The following SMIM14 variants were observed in gnomAD, a reference collection of about 807,000 sequenced individuals.
SMIM14 encodes small integral membrane protein 14.
In SMIM14, 5 loss-of-function variants were observed where a neutral mutation model predicts 12.6. That is an observed-to-expected ratio of 0.40 (90% CI 0.21 to 0.83). The LOEUF is 0.83. Ranked by LOEUF, SMIM14 falls within the 40% of genes least tolerant of loss-of-function variation. The pLI, the probability that SMIM14 is intolerant of heterozygous loss-of-function variation, is 0.37. For missense variants in SMIM14, 86 were observed against 119.1 expected (o/e 0.72, Z 1.29); for synonymous variants, 30 against 40.1 (o/e 0.75, Z 0.95).
intron 1 of SMIM14, among the ~76,000 whole-genome samples, chr4:39,623,968 TA>T (rs1715598466): frequency 6.6e-6 from 1 of 152,056 alleles, no homozygotes; most frequent in South Asian, 2.1e-4. Flanking sequence ...AAAGAAAGTT[TA>T]AAAAAATAGA....
At chr4:39,559,589 CA>C (rs1478079657) in intron 3 of SMIM14, among the ~76,000 whole-genome samples, 2 of 152,080 alleles carry the variant, frequency 1.3e-5, no homozygotes, top group Non-Finnish European at 2.9e-5. Flanking sequence ...TGCATTGGGT[CA>C]GTGGGTCCAG....
At chr4:39,631,148 A>C (rs1578372251) in intron 1 of SMIM14, among the ~76,000 whole-genome samples, 1 of 151,974 alleles carries the variant, frequency 6.6e-6, no homozygotes, top group African/African-American at 2.4e-5. Flanking sequence ...CCTGGCCAAC[A>C]GAGTGAAACC....
At chr4:39,567,582 CAA>C (rs778815315) in intron 3 of SMIM14, among the ~76,000 whole-genome samples, 2 of 151,830 alleles carry the variant, frequency 1.3e-5, no homozygotes, top group Non-Finnish European at 2.9e-5. Context: ...ACTAAAAATA[CAA>C]AAATTAGCCG....
At chr4:39,597,830 T>C (rs1171799056) in intron 2 of SMIM14, among the ~76,000 whole-genome samples, 1 of 152,188 alleles carries the variant, frequency 6.6e-6, no homozygotes, top group African/African-American at 2.4e-5. Flanking sequence ...TGCCTGTTTT[T>C]CTGCTCACAT....
In SMIM14 at chr4:39,549,204, C is replaced by T. The variant is rs1411559406; in HGVS notation, c.*2922G>A. On this transcript the variant is annotated 3_prime_UTR_variant, in exon 5 of 5. Transcript: ENST00000295958. ...GCAAAACTCCATCTCAAAACAACAA[C>T]CAAAAAGAATCCAGATTTTTAGGTG... 2 of 152,076 alleles carry T rather than the reference C, an allele frequency of 1.3e-5. No individual in the cohort carries two copies. Among genetic ancestry groups the T allele is most frequent in the Non-Finnish European group, 2.9e-5 (2 of 67,986 alleles). 9.4% of individuals were successfully genotyped at this position (152,076 alleles called of 1,614,324 possible). A position where few individuals can be genotyped will look rare whatever the true frequency, so the allele number is the denominator to read the frequency against.
intron 1 of SMIM14, among the ~76,000 whole-genome samples, chr4:39,609,234 C>A (rs933509504): frequency 6.6e-6 from 1 of 152,188 alleles, no homozygotes; most frequent in Non-Finnish European, 1.5e-5. Context: ...CCCGCCTTGG[C>A]CTCCCAAAGT....
chr4:39,570,184 A>ACG (rs1390218349), intron 3 of SMIM14, among the ~76,000 whole-genome samples: 8 of 151,278 alleles, frequency 5.3e-5, no homozygotes. Flanking sequence ...TTTGTTTTAG[A>ACG]GAGTCTCGCC....
chr4:39,556,162 GA>G (rs34507945), intron 4 of SMIM14, among the ~76,000 whole-genome samples: 278 of 128,558 alleles, frequency 2.2e-3, no homozygotes, highest in Non-Finnish European at 2.4e-3. Context: ...GACCCTGTCT[GA>G]AAAAAAAAAA....
chr4:39,607,735 GAA>G (rs1714866228), intron 1 of SMIM14, among the ~76,000 whole-genome samples: 1 of 152,054 alleles, frequency 6.6e-6, no homozygotes, highest in Non-Finnish European at 1.5e-5. Context: ...AAAGATAAAC[GAA>G]AGAGTGAAAA....
chr4:39,605,982 C>T (rs1440117176), intron 1 of SMIM14, among the ~76,000 whole-genome samples: 1 of 152,142 alleles, frequency 6.6e-6, no homozygotes, highest in South Asian at 2.1e-4. Context: ...AGGTGATCTG[C>T]CCACCTCGGC....
At chr4:39,636,173 CA>C (rs749292775) in intron 1 of SMIM14, among the ~76,000 whole-genome samples, 2,279 of 76,270 alleles carry the variant, frequency 0.03, 20 homozygotes, top group East Asian at 0.066. Context: ...CTCCATCTCC[CA>C]AAAAAAAAAA....
chr4:39,602,403 T>C (rs1714653260), intron 2 of SMIM14, among the ~76,000 whole-genome samples: 1 of 152,164 alleles, frequency 6.6e-6, no homozygotes, highest in Non-Finnish European at 1.5e-5. Context: ...GAGACCAGCC[T>C]GGCCAACATG....
chr4:39,605,158 T>C lies in SMIM14; in HGVS notation c.-13A>G, dbSNP rs1714758967. The C allele has an allele frequency of 6.3e-7, 1 of 1,596,606 alleles. No individual in the cohort carries two copies. The highest frequency in any genetic ancestry group is 1.8e-5 in the Admixed American group (1 of 55,958). ...CACCTTCTGCCATGATTACCCAGCT[T>C]GATTTTACTTGACTGTTTAAATCTA... On this transcript the variant is annotated 5_prime_UTR_variant, in exon 2 of 5. Transcript: ENST00000295958.
intron 2 of SMIM14, among the ~76,000 whole-genome samples, chr4:39,575,658 C>T (rs1429332424): frequency 6.6e-6 from 1 of 152,146 alleles, no homozygotes; most frequent in African/African-American, 2.4e-5. Flanking sequence ...AATCTTGGCT[C>T]ACTGCAATCT....
intron 1 of SMIM14, among the ~76,000 whole-genome samples, chr4:39,622,100 T>G (rs1715518588): frequency 6.6e-6 from 1 of 152,246 alleles, no homozygotes; most frequent in Non-Finnish European, 1.5e-5. Context: ...TTTTGTTTTT[T>G]TGAGACGGAG....
chr4:39,567,221 A>C (rs1712624443), intron 3 of SMIM14, among the ~76,000 whole-genome samples: 1 of 151,836 alleles, frequency 6.6e-6, no homozygotes, highest in East Asian at 1.9e-4. Context: ...AAATATGGAG[A>C]AGATTTAGTT....
intron 1 of SMIM14, among the ~76,000 whole-genome samples, chr4:39,621,686 CTTT>C (rs57206633): frequency 0.33 from 34,570 of 104,500 alleles, 3,411 homozygotes; most frequent in Middle Eastern, 0.37. Flanking sequence ...CCAAACGTTT[CTTT>C]TTTTTTTTTT....
chr4:39,598,730 A>G (rs769178388), intron 2 of SMIM14, among the ~76,000 whole-genome samples: 6 of 152,158 alleles, frequency 3.9e-5, no homozygotes, highest in Non-Finnish European at 8.8e-5. Flanking sequence ...GCATTTTTCT[A>G]TGACTTTTCA....
chr4:39,553,660 C>G (rs1245308803), intron 4 of SMIM14, among the ~76,000 whole-genome samples: 1 of 149,628 alleles, frequency 6.7e-6, no homozygotes, highest in Admixed American at 6.7e-5. Context: ...ATGGCGCCAT[C>G]TCAGCTCACT....
Sources: gnomAD v4.1 joint callset for allele counts (sites outside exome capture counted in the v4.1 genomes callset) on GRCh38, gnomAD v4.1.1 for gene constraint, MANE v1.5 for transcripts, NCBI Gene and HGNC (gene_info 2026-07-23, HGNC 2026-07-21) for gene names.